PTN: variants seen among roughly 807,000 people sequenced by gnomAD.
PTN encodes heparin affin regulatory protein.
Under a neutral mutation model 24.1 loss-of-function variants are expected in PTN, and 18 were observed. The ratio of observed to expected loss-of-function variants is 0.75; its 90% CI spans 0.52 to 1.11. The LOEUF (loss-of-function observed/expected upper bound fraction) is 1.11. PTN is among the 50% of genes least tolerant of loss of function. The pLI is 0.00. For missense variants in PTN, 163 were observed against 198.8 expected, an observed-to-expected ratio of 0.82 and a Z score of 1.08; for synonymous variants, 78 against 68.6, an observed-to-expected ratio of 1.14 and a Z score of -0.67.
intron 4 of PTN, among the ~76,000 whole-genome samples, chr7:137,240,256 G>C (rs1808605628): frequency 6.6e-6 from 1 of 152,098 alleles, no homozygotes; most frequent in Non-Finnish European, 1.5e-5. Flanking sequence ...CAGAGGGAAG[G>C]AACCGTGTTT....
chr7:137,240,967 T>C (rs1482955061), intron 4 of PTN, among the ~76,000 whole-genome samples: 3 of 152,190 alleles, frequency 2.0e-5, no homozygotes, highest in African/African-American at 7.2e-5. Flanking sequence ...GGGTAATACA[T>C]AAACAAAAGA....
At chr7:137,278,731 G>A (rs1357727535) in intron 1 of PTN, among the ~76,000 whole-genome samples, 5 of 151,620 alleles carry the variant, frequency 3.3e-5, no homozygotes, top group East Asian at 3.9e-4. Context: ...ACTTGAGGTC[G>A]GAGCTTGAAA....
chr7:137,296,020 C>T (rs557686784), intron 1 of PTN, among the ~76,000 whole-genome samples: 133 of 152,090 alleles, frequency 8.7e-4, no homozygotes, highest in African/African-American at 3.0e-3. Flanking sequence ...CATGATGCCA[C>T]GGAGAGACAG....
rs552266964 is a variant in PTN at position 137,319,548 on chromosome 7, G to A, written c.-2+23891C>T. Among the ~76,000 whole-genome samples, 15 of 152,254 alleles carry A rather than the reference G, an allele frequency of 9.9e-5. No individual in the cohort carries two copies. In the South Asian group the frequency reaches 2.3e-3, roughly 23 times the overall value. On this transcript the variant is annotated intron_variant, in intron 1 of 4. Transcript: ENST00000348225. ...GTCCTCCTTGTTTAGCTGGCAGATC[G>A]TTTTTTGGCCATTCAGCTTCCTCTA...
chr7:137,336,034 G>T (rs1810443172), intron 1 of PTN, among the ~76,000 whole-genome samples: 1 of 151,478 alleles, frequency 6.6e-6, no homozygotes, highest in South Asian at 2.1e-4. Flanking sequence ...AGCAACTTAG[G>T]CAATCTCTGT....
chr7:137,331,326 C>T (rs753726753), intron 1 of PTN, among the ~76,000 whole-genome samples: 7 of 152,146 alleles, frequency 4.6e-5, no homozygotes, highest in Non-Finnish European at 1.0e-4. Context: ...ATCTTCAAAT[C>T]CCCAGATATC....
At chr7:137,283,905 T>C (rs1464544829) in intron 1 of PTN, among the ~76,000 whole-genome samples, 1 of 148,348 alleles carries the variant, frequency 6.7e-6, no homozygotes, top group African/African-American at 2.5e-5. Context: ...TACCTAATGA[T>C]TTAATGCATG....
intron 1 of PTN, among the ~76,000 whole-genome samples, chr7:137,291,036 T>A (rs547083510): frequency 5.3e-5 from 8 of 152,268 alleles, no homozygotes; most frequent in African/African-American, 1.9e-4. Context: ...AAATTGTCAA[T>A]AACCAATATG....
intron 1 of PTN, among the ~76,000 whole-genome samples, chr7:137,333,581 T>C (rs1810396241): frequency 6.6e-6 from 1 of 152,202 alleles, no homozygotes; most frequent in African/African-American, 2.4e-5. Flanking sequence ...CTAATGCAGT[T>C]ATAGACGTTA....
intron 1 of PTN, among the ~76,000 whole-genome samples, chr7:137,289,147 G>A (rs1809602326): frequency 6.6e-6 from 1 of 152,096 alleles, no homozygotes; most frequent in South Asian, 2.1e-4. Flanking sequence ...AGTGGTAAAA[G>A]CAAGAATCAA....
At chr7:137,277,771 T>C (rs1014469729) in intron 1 of PTN, among the ~76,000 whole-genome samples, 5 of 152,076 alleles carry the variant, frequency 3.3e-5, no homozygotes, top group African/African-American at 1.2e-4. Context: ...GGTACCACTA[T>C]GCTGCTGAAG....
chr7:137,304,930 T>C (rs922798663), intron 1 of PTN, among the ~76,000 whole-genome samples: 1 of 152,038 alleles, frequency 6.6e-6, no homozygotes, highest in Non-Finnish European at 1.5e-5. Context: ...TTATTTTACA[T>C]AGCAGAGAGA....
chr7:137,238,557 T>G (rs1233186254), intron 4 of PTN, among the ~76,000 whole-genome samples: 2 of 152,158 alleles, frequency 1.3e-5, no homozygotes, highest in Non-Finnish European at 2.9e-5. Flanking sequence ...AAAAACAAAT[T>G]ATTAATTTCT....
At chr7:137,323,420 AT>A (rs1466536649) in intron 1 of PTN, among the ~76,000 whole-genome samples, 1 of 152,202 alleles carries the variant, frequency 6.6e-6, no homozygotes, top group Non-Finnish European at 1.5e-5. Context: ...GTGTGAATTA[AT>A]TTTACTATGG....
At chr7:137,270,749 G>A (rs117535511) in intron 1 of PTN, among the ~76,000 whole-genome samples, 2 of 152,054 alleles carry the variant, frequency 1.3e-5, no homozygotes, top group Non-Finnish European at 2.9e-5. Context: ...AAAAATAGAC[G>A]ACTAAAGAGA....
intron 1 of PTN, among the ~76,000 whole-genome samples, chr7:137,310,560 G>A (rs1809964972): frequency 6.6e-6 from 1 of 151,918 alleles, no homozygotes; most frequent in Non-Finnish European, 1.5e-5. Context: ...ACCATGCCCA[G>A]CTAATTTTTC....
At chr7:137,289,021 T>C (rs1809600478) in intron 1 of PTN, among the ~76,000 whole-genome samples, 1 of 152,204 alleles carries the variant, frequency 6.6e-6, no homozygotes, top group South Asian at 2.1e-4. Flanking sequence ...TGTGTTTATA[T>C]GCACACATAG....
chr7:137,292,616 C>A (rs1417004223), intron 1 of PTN, among the ~76,000 whole-genome samples: 1 of 152,182 alleles, frequency 6.6e-6, no homozygotes, highest in Non-Finnish European at 1.5e-5. Context: ...TCAGGTAAGT[C>A]TTTATTAGCA....
chr7:137,243,354 G>A (rs538607085), intron 4 of PTN, among the ~76,000 whole-genome samples: 1 of 152,274 alleles, frequency 6.6e-6, no homozygotes, highest in South Asian at 2.1e-4. Context: ...TTCCAGTGAG[G>A]AGAGACCCAA....
Sources: gnomAD v4.1 joint callset for allele counts (sites outside exome capture counted in the v4.1 genomes callset) on GRCh38, gnomAD v4.1.1 for gene constraint, MANE v1.5 for transcripts, NCBI Gene and HGNC (gene_info 2026-07-23, HGNC 2026-07-21) for gene names.